The following ADGRB3 variants were observed in gnomAD, a reference collection of about 807,000 sequenced individuals.
ADGRB3 encodes the protein brain-specific angiogenesis inhibitor 3.
Under a neutral mutation model 193.4 loss-of-function variants are expected in ADGRB3, and 37 were observed. The ratio of observed to expected loss-of-function variants is 0.19; its 90% CI spans 0.15 to 0.25. ADGRB3 has a LOEUF of 0.25. Among genes scored for constraint, ADGRB3 ranks in the 10% least tolerant of loss-of-function variants. The pLI is 1.00. For missense variants in ADGRB3, 1,637 were observed against 1,852.9 expected (o/e 0.88, Z 2.14); for synonymous variants, 690 against 644.2 (o/e 1.07, Z -1.08).
intron 15 of ADGRB3, among the ~76,000 whole-genome samples, chr6:69,057,296 G>A (rs2150305543): frequency 6.6e-6 from 1 of 152,156 alleles, no homozygotes; most frequent in South Asian, 2.1e-4. Context: ...TTTTTAATGT[G>A]TGTCTGTGTG....
intron 3 of ADGRB3, among the ~76,000 whole-genome samples, chr6:68,721,632 ATAT>A (rs1209832163): frequency 5.4e-5 from 1 of 18,656 alleles, no homozygotes; most frequent in South Asian, 8.9e-4. Flanking sequence ...TAATAAATAT[ATAT>A]ATATATATAT....
At chr6:69,272,728 A>G (rs1376598785) in intron 20 of ADGRB3, among the ~76,000 whole-genome samples, 1 of 152,210 alleles carries the variant, frequency 6.6e-6, no homozygotes, top group African/African-American at 2.4e-5. Context: ...TACAACAGAC[A>G]CAAGAGATGA....
chr6:68,822,668 C>T (rs1311944973), intron 3 of ADGRB3, among the ~76,000 whole-genome samples: 9 of 151,926 alleles, frequency 5.9e-5, no homozygotes, highest in Non-Finnish European at 1.0e-4. Flanking sequence ...GCTCAACATT[C>T]AGATTTTTAA....
At chr6:68,778,572 T>C (rs1766794336) in intron 3 of ADGRB3, among the ~76,000 whole-genome samples, 1 of 152,122 alleles carries the variant, frequency 6.6e-6, no homozygotes, top group African/African-American at 2.4e-5. Flanking sequence ...ACAGACTTGT[T>C]AGTCATCGGC....
chr6:69,019,934 A>G, intron 13 of ADGRB3, among the ~76,000 whole-genome samples: 1 of 152,048 alleles, frequency 6.6e-6, no homozygotes, highest in East Asian at 1.9e-4. Flanking sequence ...GAAAGTCCAT[A>G]GGAACGGTAT....
chr6:69,100,698 A>G (rs1026884603), intron 17 of ADGRB3, among the ~76,000 whole-genome samples: 1 of 151,554 alleles, frequency 6.6e-6, no homozygotes, highest in African/African-American at 2.4e-5. Flanking sequence ...AAAAATATGT[A>G]TAATAATTCC....
At chr6:68,697,793 T>C (rs943142524) in intron 3 of ADGRB3, among the ~76,000 whole-genome samples, 2 of 151,990 alleles carry the variant, frequency 1.3e-5, no homozygotes, top group Admixed American at 1.3e-4. Flanking sequence ...GGACTAGCTC[T>C]TTGCTGTTGA....
intron 17 of ADGRB3, among the ~76,000 whole-genome samples, chr6:69,166,186 C>G (rs565998516): frequency 2.0e-5 from 3 of 152,136 alleles, no homozygotes; most frequent in East Asian, 3.9e-4. Context: ...TATGCAATCT[C>G]AATACAGAAG....
chr6:69,257,153 T>C lies in ADGRB3; in HGVS notation c.2814+17927T>C, dbSNP rs558780808. 3.6e-4 allele frequency among the ~76,000 whole-genome samples: 55 copies of C among 152,312 alleles called. 2 individuals carry two copies. In the East Asian group the frequency reaches 9.6e-3, roughly 27 times the overall value. ...CATCAATGTTCATCAAGGATATTGG[T>C]CTAAAATGCTCTTTTTTGGTTGTGT... On this transcript the variant is annotated intron_variant, in intron 20 of 31. Coordinates refer to ENST00000370598, the MANE Select transcript of ADGRB3 (RefSeq NM_001704.3).
chr6:69,349,126 G>A (rs1376720686), intron 26 of ADGRB3, among the ~76,000 whole-genome samples: 3 of 152,204 alleles, frequency 2.0e-5, no homozygotes, highest in African/African-American at 4.8e-5. Flanking sequence ...CCACAAAGGG[G>A]ATGGCATGAG....
intron 17 of ADGRB3, among the ~76,000 whole-genome samples, chr6:69,200,143 G>C (rs1021130866): frequency 6.6e-6 from 1 of 150,574 alleles, no homozygotes; most frequent in African/African-American, 2.4e-5. Context: ...AAAAAAAACA[G>C]AGAAAACTCT....
chr6:68,714,884 A>T (rs920581214), intron 3 of ADGRB3, among the ~76,000 whole-genome samples: 1 of 151,756 alleles, frequency 6.6e-6, no homozygotes, highest in African/African-American at 2.4e-5. Flanking sequence ...ATTAAGTTAC[A>T]GATGAGATTA....
intron 3 of ADGRB3, among the ~76,000 whole-genome samples, chr6:68,891,601 GGTGACTAAGAGACTAGTA>G (rs2150229317): frequency 1.3e-5 from 2 of 152,250 alleles, no homozygotes; most frequent in East Asian, 3.9e-4. Flanking sequence ...ACTTCAAGCT[GGTGACTAAGAGACTAGTA>G]GTGCCATTAA....
chr6:69,309,900 A>G (rs1270830625), intron 20 of ADGRB3, among the ~76,000 whole-genome samples: 1 of 151,660 alleles, frequency 6.6e-6, no homozygotes, highest in East Asian at 2.0e-4. Context: ...TCCACTTTAA[A>G]TGAAGGGAAT....
chr6:69,335,956 TTAA>T (rs1346041313), intron 24 of ADGRB3, among the ~76,000 whole-genome samples: 1 of 152,082 alleles, frequency 6.6e-6, no homozygotes, highest in African/African-American at 2.4e-5. Context: ...TTATAAGGAA[TTAA>T]TAAGTGAATG....
chr6:68,959,404 G>A (rs1035109520), intron 8 of ADGRB3, among the ~76,000 whole-genome samples: 1 of 151,900 alleles, frequency 6.6e-6, no homozygotes, highest in Non-Finnish European at 1.5e-5. Flanking sequence ...ATTATTTTTA[G>A]TCTATTCATT....
chr6:69,016,579 A>G (rs1582396232), intron 12 of ADGRB3, among the ~76,000 whole-genome samples: 1 of 151,876 alleles, frequency 6.6e-6, no homozygotes, highest in Non-Finnish European at 1.5e-5. Context: ...ACTGGAAGTA[A>G]TTTTGCCACT....
intron 20 of ADGRB3, among the ~76,000 whole-genome samples, chr6:69,265,292 A>G (rs1767015236): frequency 6.6e-6 from 1 of 151,950 alleles, no homozygotes; most frequent in African/African-American, 2.4e-5. Flanking sequence ...AGACCTTACA[A>G]GGTGAACAGG....
chr6:69,224,176 A>G (rs1173750457), intron 17 of ADGRB3, among the ~76,000 whole-genome samples: 1 of 151,982 alleles, frequency 6.6e-6, no homozygotes, highest in Non-Finnish European at 1.5e-5. Flanking sequence ...AATCATTTTT[A>G]AAAGGTTTGT....
Sources: gnomAD v4.1 joint callset for allele counts (sites outside exome capture counted in the v4.1 genomes callset) on GRCh38, gnomAD v4.1.1 for gene constraint, MANE v1.5 for transcripts, NCBI Gene and HGNC (gene_info 2026-07-23, HGNC 2026-07-21) for gene names.